Variants in RBPJL observed in about 807,000 individuals in gnomAD.
RBPJL encodes recombining binding protein suppressor of hairless-like protein.
In RBPJL, 50 loss-of-function variants were observed where a neutral mutation model predicts 57.6. The observed-to-expected ratio is 0.87, with a 90% CI of 0.69 to 1.10. The LOEUF (loss-of-function observed/expected upper bound fraction) is 1.10, where lower values mean the gene tolerates loss of function less well. RBPJL is among the 50% of genes least tolerant of loss of function. The probability of loss-of-function intolerance (pLI) is 0.00; values close to 1 mark genes in which losing one functional copy is unlikely to be tolerated. For missense variants in RBPJL, 684 were observed against 693.7 expected (o/e 0.99, Z 0.16); for synonymous variants, 303 against 294.4 (o/e 1.03, Z -0.30).
intron 5 of RBPJL, 42 bp from the exon 6 acceptor site, chr20:45,312,179 G>C (rs1303492901): frequency 1.2e-6 from 2 of 1,613,160 alleles, no homozygotes; most frequent in Admixed American, 3.3e-5. Flanking sequence ...TCCGACGGGG[G>C]AGGGCTGGGA....
At chr20:45,312,129 C>G in intron 5 of RBPJL, 92 bp from the exon 6 acceptor site, 5 of 1,580,268 alleles carry the variant, frequency 3.2e-6, no homozygotes, top group Non-Finnish European at 4.3e-6. Flanking sequence ...TGGTCACCTC[C>G]GACGGGGCGG....
At chr20:45,316,094 G>T in intron 9 of RBPJL, 93 bp from the exon 10 acceptor site, 2 of 1,236,272 alleles carry the variant, frequency 1.6e-6, no homozygotes, top group East Asian at 2.4e-5. Context: ...TATCCAGTTC[G>T]GTCTAACGCA....
In RBPJL at chr20:45,308,415, G is replaced by T. The variant is rs1986941624; in HGVS notation, c.131+164G>T. The T allele has an allele frequency of 5.0e-6, 3 of 597,044 alleles. No individual in the cohort carries two copies. In the Admixed American group the frequency reaches 8.4e-5, roughly 17 times the overall value. The allele number at this position is 597,044 out of a possible 1,614,324, so 37.0% of individuals were successfully genotyped here. ...GGATCCCCCCTTCCTCCTGAGGGGG[G>T]GCAAACCCAGCACCCCCTGCTCCTA... On this transcript the variant is annotated intron_variant, in intron 2 of 11. Coordinates refer to ENST00000343694, the MANE Select transcript of RBPJL (RefSeq NM_014276.4).
intron 4 of RBPJL, 76 bp from the exon 5 acceptor site, chr20:45,311,763 T>C (rs1212703851): frequency 1.3e-5 from 20 of 1,541,250 alleles, no homozygotes; most frequent in African/African-American, 2.7e-5. Flanking sequence ...CCGCGCCCTC[T>C]GGCGGCGAGC....
At chr20:45,310,187 G>A (rs1419048939) in intron 3 of RBPJL, among the ~76,000 whole-genome samples, 1 of 152,212 alleles carries the variant, frequency 6.6e-6, no homozygotes. Flanking sequence ...CTGAAGGCAG[G>A]GGGGACATTA....
chr20:45,315,692 G>C (rs560967343), intron 9 of RBPJL, among the ~76,000 whole-genome samples: 19 of 148,200 alleles, frequency 1.3e-4, no homozygotes, highest in Non-Finnish European at 1.9e-4. Flanking sequence ...AATGAGCCAA[G>C]ATCAGGCCAT....
At chr20:45,312,437 T>C in intron 6 of RBPJL, 42 bp downstream of exon 6, 7 of 1,585,384 alleles carry the variant, frequency 4.4e-6, no homozygotes, top group Non-Finnish European at 5.1e-6. Context: ...GGCGGGGAGG[T>C]GCAACCAAGC....
In RBPJL at chr20:45,311,607, C is replaced by T. The variant is rs1987170841; in HGVS notation, c.276C>T (p.Pro92=). The T allele has an allele frequency of 1.2e-5, 20 of 1,614,222 alleles. No homozygotes were observed. The highest frequency in any genetic ancestry group is 1.7e-5 in the Non-Finnish European group (20 of 1,180,030). ...GNEKRFFCPP[P]CVYLSGPGWR... Reference sequence around the variant, plus strand: ...TCCGCAGGTTCTTCTGCCCCCCGCCCTGTGTCTACCTCTCGGGGCCTGGCT... The same window carrying T: ...TCCGCAGGTTCTTCTGCCCCCCGCCTTGTGTCTACCTCTCGGGGCCTGGCT... The change falls in exon 4 of 12, where the codon CCC becomes CCT. Residue 92 remains proline, a synonymous_variant. Transcript: ENST00000343694.
At chr20:45,310,228 TTTGGGAGGTAACA>T (rs1412695679) in intron 3 of RBPJL, among the ~76,000 whole-genome samples, 3 of 152,102 alleles carry the variant, frequency 2.0e-5, no homozygotes, top group African/African-American at 7.2e-5. Context: ...TGAGAGACCT[TTTGGGAGGTAACA>T]TTGGAACTGA....
chr20:45,315,975 A>C (rs527350417), intron 9 of RBPJL: 3 of 404,562 alleles, frequency 7.4e-6, no homozygotes, highest in African/African-American at 6.1e-5. Flanking sequence ...AAGAAGAAAG[A>C]AGAAAGAAGA....
At chr20:45,313,197 ACTGT>A (rs979088628) in intron 6 of RBPJL, among the ~76,000 whole-genome samples, 1 of 152,052 alleles carries the variant, frequency 6.6e-6, no homozygotes, top group African/African-American at 2.4e-5. Context: ...AAGATTGGAA[ACTGT>A]CTGGAAAGTC....
chr20:45,313,375 C>T (rs1987289407), intron 6 of RBPJL, 93 bp from the exon 7 acceptor site: 5 of 1,083,244 alleles, frequency 4.6e-6, no homozygotes, highest in Non-Finnish European at 6.5e-6. Context: ...TAACCCTCAC[C>T]CTAACCCTAA....
rs1482081001 is a variant in RBPJL at position 45,317,271 on chromosome 20, C to G, written c.*312C>G. ...CCCTTCCCCCTCAGTACTTAGTCTACAGACCTATGTGCGTGTCCCTATCCT... is the reference window on the plus strand; with the variant it reads ...CCCTTCCCCCTCAGTACTTAGTCTAGAGACCTATGTGCGTGTCCCTATCCT... On this transcript the variant is annotated 3_prime_UTR_variant, in exon 12 of 12. Coordinates refer to ENST00000343694, the MANE Select transcript of RBPJL (RefSeq NM_014276.4). 6.6e-6 allele frequency: 3 copies of G among 453,210 alleles called. No individual in the cohort carries two copies. Among genetic ancestry groups the G allele is most frequent in the African/African-American group, 2.0e-5 (1 of 50,044 alleles). 28.1% of individuals were successfully genotyped at this position (453,210 alleles called of 1,614,324 possible). A position where few individuals can be genotyped will look rare whatever the true frequency, so the allele number is the denominator to read the frequency against.
Position 45,309,663 on chromosome 20 carries a change from G to A in RBPJL, c.228G>A (p.Val76=), listed in dbSNP as rs1288611097. 1 of 1,613,618 alleles carries A rather than the reference G, an allele frequency of 6.2e-7. No individual in the cohort carries two copies. The highest frequency in any genetic ancestry group is 1.7e-5 in the Admixed American group (1 of 59,946). ...CTGTGCGGATCCTGCATGCCAAGGT[G>A]GCCCAGAAATCATACGGAAATGAGA... The part of the protein sequence containing the change: ...EQTVRILHAK[V]AQKSYGNEKR... The change falls in exon 3 of 12, where the codon GTG becomes GTA. Residue 76 remains valine (V), a synonymous_variant. Coordinates refer to ENST00000343694, the MANE Select transcript of RBPJL (RefSeq NM_014276.4).
chr20:45,312,522 G>C (rs1987237422), intron 6 of RBPJL, 127 bp downstream of exon 6: 1 of 915,538 alleles, frequency 1.1e-6, no homozygotes, highest in South Asian at 1.7e-5. Context: ...GGTGGAGTCG[G>C]AGCCGAGAGG....
chr20:45,309,459 C>T, intron 2 of RBPJL, 108 bp from the exon 3 acceptor site: 1 of 1,262,778 alleles, frequency 7.9e-7, no homozygotes, highest in Non-Finnish European at 1.1e-6. Flanking sequence ...CTCCCACTCA[C>T]TCTAACCCCC....
chr20:45,314,207 C>T, intron 8 of RBPJL, 63 bp downstream of exon 8: 3 of 1,453,352 alleles, frequency 2.1e-6, no homozygotes, highest in South Asian at 1.2e-5. Context: ...ATGTGGCACA[C>T]ACGGGCAGGG....
intron 6 of RBPJL, among the ~76,000 whole-genome samples, chr20:45,313,013 A>G (rs953787797): frequency 6.6e-6 from 1 of 151,794 alleles, no homozygotes; most frequent in South Asian, 2.1e-4. Context: ...ATCTCAAAAA[A>G]AAAAAAAAAA....
At chr20:45,307,445 G>A (rs1986821525) in intron 1 of RBPJL, among the ~76,000 whole-genome samples, 1 of 152,170 alleles carries the variant, frequency 6.6e-6, no homozygotes, top group Non-Finnish European at 1.5e-5. Flanking sequence ...AGATGTGGCA[G>A]CGCTGGTGGA....
Sources: gnomAD v4.1 joint callset for allele counts (sites outside exome capture counted in the v4.1 genomes callset) on GRCh38, gnomAD v4.1.1 for gene constraint, MANE v1.5 for transcripts, NCBI Gene and HGNC (gene_info 2026-07-23, HGNC 2026-07-21) for gene names.